The following HEXD variants were observed in gnomAD, a reference collection of about 807,000 sequenced individuals.
HEXD encodes N-acetyl-beta-galactosaminidase.
HEXD carries 47 observed loss-of-function variants against 54.2 expected under a neutral mutation model. The ratio of observed to expected loss-of-function variants is 0.87; its 90% CI spans 0.69 to 1.11. The LOEUF (loss-of-function observed/expected upper bound fraction) is 1.11, where lower values mean the gene tolerates loss of function less well. Ranked by LOEUF, HEXD falls within the 50% of genes least tolerant of loss-of-function variation. HEXD has a pLI of 0.00. For missense variants in HEXD, 576 were observed against 649.2 expected (o/e 0.89, Z 1.23); for synonymous variants, 293 against 287.6 (o/e 1.02, Z -0.19).
In HEXD at chr17:82,439,986, G is replaced by C. The variant is rs185695039; in HGVS notation, c.982+273G>C. 5.0e-4 allele frequency: 727 copies of C among 1,444,104 alleles called. 2 individuals carry two copies. The highest frequency in any genetic ancestry group is 2.7e-3 in the Admixed American group (129 of 47,950). 89.5% of individuals were successfully genotyped at this position (1,444,104 alleles called of 1,614,324 possible). On this transcript the variant is annotated intron_variant, in intron 9 of 12. Transcript: ENST00000327949. Reference sequence around the variant, plus strand: ...ACACAGTGAATCCGCAGAAATGCACGCAGGTCGGAGGTGGGGAACGGCTCC... The same window carrying C: ...ACACAGTGAATCCGCAGAAATGCACCCAGGTCGGAGGTGGGGAACGGCTCC...
chr17:82,430,328 G>A lies in HEXD; in HGVS notation c.282+1683G>A, dbSNP rs182880674. 5.3e-4 allele frequency among the ~76,000 whole-genome samples: 81 copies of A among 152,332 alleles called. No homozygotes were observed. The East Asian group carries it at 0.013, about 24-fold the overall frequency. ...ACCAGACATCCAAAATCAGCGTGTC[G>A]AAGGGTTGGTTTCTTACTGAGGAAG... On this transcript the variant is annotated intron_variant, in intron 4 of 12. Transcript: ENST00000327949.
rs757683178 is a variant in HEXD at position 82,441,047 on chromosome 17, T to C, written c.1033T>C (p.Ser345Pro). 12 of 1,613,626 alleles carry C rather than the reference T, an allele frequency of 7.4e-6. No homozygotes were observed. Among genetic ancestry groups the C allele is most frequent in the South Asian group, 2.2e-5 (2 of 91,082 alleles). ...KAKVENLLGI[S>P]SLEKTDPVRE... is the part of the protein sequence containing the mutation. ...GAAAGTGGAGAACCTTCTCGGGATT[T>C]CCAGCCTGGAAAAAACGGACCCTGT... Residue 345 changes from serine to proline, a missense_variant, in exon 10 of 13, where the codon TCC becomes CCC. Ser to Pro is a moderately conservative substitution (Grantham distance 74, BLOSUM62 -1). Transcript: ENST00000327949.
Position 82,442,201 on chromosome 17 carries a change from C to T in HEXD, c.1278C>T (p.Leu426=), listed in dbSNP as rs771746870. 52 of 1,602,702 alleles carry T rather than the reference C, an allele frequency of 3.2e-5. No individual in the cohort carries two copies. In the South Asian group the frequency reaches 5.1e-4, roughly 16 times the overall value. Residue 426 remains leucine, a synonymous_variant, in exon 13 of 13, where the codon CTC becomes CTT. Coordinates refer to ENST00000327949, the MANE Select transcript of HEXD (RefSeq NM_001330542.2). The surrounding 1 kb of genome is among the most constrained non-coding windows in gnomAD (Gnocchi z 6.8). ...ALSLLAQWST[L]VQELEAALQL... ...GCCTCCTGGCACAGTGGAGCACCCT[C>T]GTGCAGGAGCTGGAGGCTGCCCTGC...
Position 82,436,751 on chromosome 17 carries a change from T to C in HEXD, c.703+13T>C, listed in dbSNP as rs747745570. On this transcript the variant is annotated intron_variant, in intron 7 of 12. Coordinates refer to ENST00000327949, the MANE Select transcript of HEXD (RefSeq NM_001330542.2). ...GTGCACGGCAAGGGTCAGTGCCAAG[T>C]TGTGGGGGGTGTGTTGTCCTGGCCA... 3 of 1,608,728 alleles carry C rather than the reference T, an allele frequency of 1.9e-6. No individual in the cohort carries two copies. The highest frequency in any genetic ancestry group is 4.5e-5 in the East Asian group (2 of 44,710).
chr17:82,440,854 C>T (rs1336376839), intron 9 of HEXD, 143 bp from the exon 10 acceptor site: 65 of 867,322 alleles, frequency 7.5e-5, no homozygotes, highest in East Asian at 3.2e-4. Context: ...CCCTTGGGGC[C>T]GGCACACGCG....
At chr17:82,430,595 G>C (rs1268133715) in intron 4 of HEXD, among the ~76,000 whole-genome samples, 1 of 152,038 alleles carries the variant, frequency 6.6e-6, no homozygotes, top group Non-Finnish European at 1.5e-5. Context: ...CAAGATGTTG[G>C]CCAAGCTAGT....
chr17:82,439,798 A>C (rs769229458), intron 9 of HEXD, 85 bp downstream of exon 9: 8 of 1,595,648 alleles, frequency 5.0e-6, no homozygotes, highest in Non-Finnish European at 5.9e-6. Flanking sequence ...CAGTGCTCCA[A>C]CCACCCTGCT....
chr17:82,441,939 C>T, intron 12 of HEXD, 50 bp downstream of exon 12: 1 of 1,556,142 alleles, frequency 6.4e-7, no homozygotes, highest in Non-Finnish European at 8.8e-7. Flanking sequence ...TCCCTGAGAA[C>T]TGCTGCTGTT....
rs1567890531 is a variant in HEXD at position 82,433,115 on chromosome 17, TATATATATA to T, written c.283-542_283-534del. Among the ~76,000 whole-genome samples the T allele has an allele frequency of 2.2e-3, 32 of 14,852 alleles. 4 individuals carry two copies. The highest frequency in any genetic ancestry group is 0.011 in the South Asian group (4 of 362). The allele number at this position is 14,852 out of a possible 152,430, so 9.7% of individuals were successfully genotyped here. On this transcript the variant is annotated intron_variant, in intron 4 of 12. Coordinates refer to ENST00000327949, the MANE Select transcript of HEXD (RefSeq NM_001330542.2). ...AAATATATATATATATATATATATATATATATATATATATTTTTTTTTTTTTTTTATATA... is the reference window on the plus strand; with the variant it reads ...AAATATATATATATATATATATATATTATATTTTTTTTTTTTTTTTATATA...
chr17:82,442,208 G>C lies in HEXD; in HGVS notation c.1285G>C (p.Glu429Gln). 6.2e-7 allele frequency: 1 copy of C among 1,603,680 alleles called. No homozygotes were observed. Among genetic ancestry groups the C allele is most frequent in the South Asian group, 1.1e-5 (1 of 91,060 alleles). Residue 429 changes from glutamate to glutamine, a missense_variant, in exon 13 of 13, where the codon GAG becomes CAG. Coordinates refer to ENST00000327949, the MANE Select transcript of HEXD (RefSeq NM_001330542.2). The surrounding 1 kb of genome is among the most constrained non-coding windows in gnomAD (Gnocchi z 6.8). Reference protein sequence around the residue: ...LLAQWSTLVQELEAALQLAFY... With the variant: ...LLAQWSTLVQQLEAALQLAFY... ...GGCACAGTGGAGCACCCTCGTGCAG[G>C]AGCTGGAGGCTGCCCTGCAGCTGGC...
chr17:82,433,139 T>A lies in HEXD; in HGVS notation c.283-519T>A, dbSNP rs1277635160. 0.045 allele frequency among the ~76,000 whole-genome samples: 1,636 copies of A among 36,638 alleles called. 202 individuals carry two copies. The East Asian group carries it at 0.54, about 12-fold the overall frequency. 24.0% of individuals were successfully genotyped at this position (36,638 alleles called of 152,430 possible). On this transcript the variant is annotated intron_variant, in intron 4 of 12. Coordinates refer to ENST00000327949, the MANE Select transcript of HEXD (RefSeq NM_001330542.2). The stretch of plus-strand genomic sequence containing the variant: ...ATATATATATATATATTTTTTTTTT[T>A]TTTTTATATATATATTTTTAGTCTG...
intron 2 of HEXD, among the ~76,000 whole-genome samples, chr17:82,422,728 A>G (rs1258578399): frequency 6.6e-6 from 1 of 152,210 alleles, no homozygotes; most frequent in Non-Finnish European, 1.5e-5. Flanking sequence ...GAATATGGCA[A>G]AGAAGACTGA....
chr17:82,420,861 C>T (rs1229045704), intron 2 of HEXD, among the ~76,000 whole-genome samples: 2 of 152,136 alleles, frequency 1.3e-5, no homozygotes, highest in East Asian at 1.9e-4. Flanking sequence ...CCACCGCACC[C>T]GGCCAAGCCA....
chr17:82,431,515 A>G (rs906496883), intron 4 of HEXD, among the ~76,000 whole-genome samples: 1 of 149,796 alleles, frequency 6.7e-6, no homozygotes, highest in Non-Finnish European at 1.5e-5. Flanking sequence ...TACAAACTCC[A>G]CATTCCAAGT....
intron 9 of HEXD, chr17:82,440,725 A>G (rs2053912737): frequency 2.0e-6 from 1 of 497,220 alleles, no homozygotes; most frequent in Non-Finnish European, 3.6e-6. Context: ...AGGAAGAGCC[A>G]CTTGCTGTCC....
intron 2 of HEXD, among the ~76,000 whole-genome samples, chr17:82,422,007 A>G (rs2143380067): frequency 6.6e-6 from 1 of 151,980 alleles, no homozygotes; most frequent in South Asian, 2.1e-4. Context: ...TCTCTACTAA[A>G]AATACCAAAA....
Position 82,437,246 on chromosome 17 carries a change from C to T in HEXD, c.782C>T (p.Pro261Leu), listed in dbSNP as rs1337181805. The change falls in exon 8 of 13, where the codon CCC (proline) becomes CTC (leucine). Residue 261 changes from proline (P) to leucine (L), a missense_variant. By Grantham distance (98) the Pro-to-Leu change is moderately conservative. Transcript: ENST00000327949. ...AGTGCCTTCAAGGGTGCCACGGGGC[C>T]CAGCCAGGCCGTGCCCCCTGTTGAG... The part of the protein sequence containing the change: ...AASAFKGATG[P>L]SQAVPPVEHH... The T allele has an allele frequency of 5.0e-6, 8 of 1,611,168 alleles. No individual in the cohort carries two copies. In the East Asian group the frequency reaches 1.1e-4, roughly 22 times the overall value.
At chr17:82,437,951 T>TA (rs1260513295) in intron 8 of HEXD, among the ~76,000 whole-genome samples, 1 of 152,150 alleles carries the variant, frequency 6.6e-6, no homozygotes, top group Non-Finnish European at 1.5e-5. Flanking sequence ...TTTATTACTC[T>TA]AGGGGCTGAG....
In HEXD at chr17:82,419,822, A is replaced by T. The variant is rs1366645292; in HGVS notation, c.23A>T (p.Gln8Leu). 1 of 1,611,724 alleles carries T rather than the reference A, an allele frequency of 6.2e-7. No individual in the cohort carries two copies. The highest frequency in any genetic ancestry group is 1.3e-5 in the African/African-American group (1 of 74,846). The change falls in exon 2 of 13, where the codon CAG (glutamine) becomes CTG (leucine). Residue 8 changes from glutamine to leucine, a missense_variant. Transcript: ENST00000327949. ...GAAATGTCAGGTTCCACTCCATTTC[A>T]GATGAGATTAGTTCATTTAGACCTT... MSGSTPF[Q>L]MRLVHLDLKG... is the part of the protein sequence containing the mutation.
Sources: allele counts gnomAD v4.1 joint callset (sites outside exome capture counted in the v4.1 genomes callset), GRCh38; gene constraint gnomAD v4.1.1; non-coding constraint Gnocchi (gnomAD v3.1); transcripts MANE v1.5; gene names NCBI Gene and HGNC (gene_info 2026-07-23, HGNC 2026-07-21).